CPED1: variants seen among roughly 807,000 people sequenced by gnomAD.
CPED1 encodes the protein cadherin-like and PC-esterase domain-containing protein 1.
Under a neutral mutation model 128.2 loss-of-function variants are expected in CPED1, and 114 were observed. The ratio of observed to expected loss-of-function variants is 0.89; its 90% CI spans 0.76 to 1.04. The LOEUF (loss-of-function observed/expected upper bound fraction) is 1.04, where lower values mean the gene tolerates loss of function less well. Ranked by LOEUF, CPED1 falls within the 50% of genes least tolerant of loss-of-function variation. CPED1 has a pLI of 0.00. For synonymous variants in CPED1, 462 were observed against 426.7 expected (o/e 1.08, Z -1.02); for missense variants, 1,211 against 1,207.1 (o/e 1.00, Z -0.05).
chr7:121,116,519 C>T (rs1233592635), intron 7 of CPED1, among the ~76,000 whole-genome samples: 1 of 152,046 alleles, frequency 6.6e-6, no homozygotes, highest in Non-Finnish European at 1.5e-5. Flanking sequence ...TACATAAATT[C>T]TCAAGTTGTT....
In CPED1 at chr7:121,093,600, C is replaced by A. The variant is rs560889456; in HGVS notation, c.617-4099C>A. Among the ~76,000 whole-genome samples, 6 of 152,262 alleles carry A rather than the reference C, an allele frequency of 3.9e-5. No homozygotes were observed. The East Asian group carries it at 7.7e-4, about 20-fold the overall frequency. On this transcript the variant is annotated intron_variant, in intron 5 of 22. Coordinates refer to ENST00000310396, the MANE Select transcript of CPED1 (RefSeq NM_024913.5). The stretch of plus-strand genomic sequence containing the variant: ...TCCACAGACTGCATCCACAGGGCAA[C>A]CTTGTCCCCTGGCATCTAGCAAGAG...
intron 7 of CPED1, among the ~76,000 whole-genome samples, chr7:121,116,954 CTCTCTCTCTA>C (rs1389139169): frequency 4.9e-5 from 4 of 80,868 alleles, no homozygotes; most frequent in African/African-American, 1.6e-4. Flanking sequence ...CTCTCTCTCT[CTCTCTCTCTA>C]TATATATATA....
intron 16 of CPED1, among the ~76,000 whole-genome samples, chr7:121,148,253 C>T (rs2116391144): frequency 6.6e-6 from 1 of 152,230 alleles, no homozygotes; most frequent in East Asian, 1.9e-4. Context: ...CCACTATGCA[C>T]TTTGTTCTGA....
At chr7:121,111,662 A>T (rs1795111553) in intron 7 of CPED1, among the ~76,000 whole-genome samples, 1 of 152,160 alleles carries the variant, frequency 6.6e-6, no homozygotes, top group Non-Finnish European at 1.5e-5. Flanking sequence ...GAAACAAATA[A>T]CTCAATCAGA....
chr7:121,237,066 A>G (rs923626292), intron 17 of CPED1, among the ~76,000 whole-genome samples: 5 of 152,148 alleles, frequency 3.3e-5, no homozygotes, highest in African/African-American at 1.2e-4. Flanking sequence ...ATCTGCAGAT[A>G]TGTTACCCAT....
intron 16 of CPED1, among the ~76,000 whole-genome samples, chr7:121,148,674 T>A (rs1175576808): frequency 6.6e-6 from 1 of 151,982 alleles, no homozygotes; most frequent in African/African-American, 2.4e-5. Flanking sequence ...TGAGAAGAAT[T>A]GATTGGGAGT....
intron 11 of CPED1, among the ~76,000 whole-genome samples, chr7:121,129,276 T>C (rs1438583737): frequency 1.6e-5 from 2 of 123,828 alleles, no homozygotes; most frequent in African/African-American, 6.1e-5. Flanking sequence ...TATATGTGTG[T>C]GTGTATATAT....
chr7:121,075,432 T>G (rs1342112578), intron 5 of CPED1, among the ~76,000 whole-genome samples: 1 of 152,138 alleles, frequency 6.6e-6, no homozygotes, highest in Non-Finnish European at 1.5e-5. Context: ...CTCTCTACAG[T>G]GCCATGCATG....
chr7:121,256,935 T>C (rs1218474217), intron 18 of CPED1, among the ~76,000 whole-genome samples: 2 of 152,030 alleles, frequency 1.3e-5, no homozygotes, highest in African/African-American at 4.8e-5. Context: ...TGAATGCAGC[T>C]GGAGGCCATA....
chr7:121,220,547 C>G (rs997381219), intron 16 of CPED1, among the ~76,000 whole-genome samples: 1 of 151,988 alleles, frequency 6.6e-6, no homozygotes. Flanking sequence ...TAGATTTGTT[C>G]TAAACCACAT....
chr7:121,209,858 A>C (rs1666821362), intron 16 of CPED1, among the ~76,000 whole-genome samples: 1 of 152,064 alleles, frequency 6.6e-6, no homozygotes, highest in South Asian at 2.1e-4. Flanking sequence ...TATCCATTTG[A>C]TGAGGAATTA....
intron 3 of CPED1, among the ~76,000 whole-genome samples, chr7:121,019,738 T>C (rs777008160): frequency 2.0e-5 from 3 of 152,010 alleles, no homozygotes; most frequent in Non-Finnish European, 2.9e-5. Context: ...ACATATGCAC[T>C]ATTATGGTTC....
At chr7:121,199,581 G>A (rs912264156) in intron 16 of CPED1, among the ~76,000 whole-genome samples, 1 of 149,732 alleles carries the variant, frequency 6.7e-6, no homozygotes, top group African/African-American at 2.5e-5. Flanking sequence ...GAAGACTGAG[G>A]TGAGGGAATC....
intron 3 of CPED1, among the ~76,000 whole-genome samples, chr7:121,029,896 A>AT (rs960362352): frequency 2.0e-5 from 3 of 151,806 alleles, no homozygotes; most frequent in Admixed American, 6.6e-5. Context: ...TATCTGTCTA[A>AT]TTTTTTTTGG....
intron 16 of CPED1, among the ~76,000 whole-genome samples, chr7:121,206,507 T>A (rs1334354788): frequency 6.6e-6 from 1 of 152,070 alleles, no homozygotes; most frequent in East Asian, 1.9e-4. Context: ...TTATTGTTTT[T>A]ATTACAAATA....
chr7:121,060,865 C>T (rs908485986), intron 4 of CPED1, among the ~76,000 whole-genome samples: 4 of 152,206 alleles, frequency 2.6e-5, no homozygotes, highest in African/African-American at 7.2e-5. Flanking sequence ...CTCTTTGGGT[C>T]CACACTGCCT....
intron 18 of CPED1, among the ~76,000 whole-genome samples, chr7:121,247,777 A>G (rs1166843087): frequency 1.3e-5 from 2 of 152,176 alleles, no homozygotes; most frequent in Non-Finnish European, 2.9e-5. Context: ...TTAGTGCACA[A>G]CACATCTCTG....
intron 3 of CPED1, among the ~76,000 whole-genome samples, chr7:121,040,232 C>G (rs540516720): frequency 1.3e-3 from 196 of 152,110 alleles, no homozygotes; most frequent in Non-Finnish European, 2.7e-3. Flanking sequence ...TTCAGGATCT[C>G]AAGCTTCCGT....
At chr7:121,197,062 A>C (rs1170745534) in intron 16 of CPED1, among the ~76,000 whole-genome samples, 3 of 151,804 alleles carry the variant, frequency 2.0e-5, no homozygotes, top group African/African-American at 7.3e-5. Flanking sequence ...TAGCTAATCC[A>C]CAAGTTTCCA....
Sources: gnomAD v4.1 joint callset for allele counts (sites outside exome capture counted in the v4.1 genomes callset) on GRCh38, gnomAD v4.1.1 for gene constraint, MANE v1.5 for transcripts, NCBI Gene and HGNC (gene_info 2026-07-23, HGNC 2026-07-21) for gene names.